The following WWOX variants were observed in gnomAD, a reference collection of about 807,000 sequenced individuals.
WWOX encodes WW domain-containing oxidoreductase.
A neutral mutation model predicts 46.2 loss-of-function variants in WWOX; 69 were observed. The observed-to-expected ratio is 1.49, with a 90% CI of 1.23 to 1.82. The LOEUF (loss-of-function observed/expected upper bound fraction) is 1.82. Among genes scored for constraint, WWOX ranks in the 40% most tolerant of loss-of-function variants. WWOX has a pLI of 0.00. For missense variants in WWOX, 919 were observed against 542.6 expected (o/e 1.69, Z -6.89); for synonymous variants, 359 against 202.6 (o/e 1.77, Z -6.56).
At position 79,098,109 on chromosome 16, in the gene WWOX, C is replaced by T. The variant is rs143693846; in HGVS notation, c.1057-113499C>T. Among the ~76,000 whole-genome samples the T allele has an allele frequency of 7.9e-5, 12 of 152,234 alleles. No homozygotes were observed. In the South Asian group the frequency reaches 1.2e-3, roughly 16 times the overall value. ...TTTTTGAGCTGGAAGAAACTTGAGA[C>T]GCTCTTTAGTCCAGCAAATTTCAAA... On this transcript the variant is annotated intron_variant, in intron 8 of 8. Transcript: ENST00000566780.
At chr16:78,572,905 T>C (rs2044754152) in intron 8 of WWOX, among the ~76,000 whole-genome samples, 1 of 152,172 alleles carries the variant, frequency 6.6e-6, no homozygotes, top group South Asian at 2.1e-4. Context: ...TATATGTTAT[T>C]AAAGTGTACA....
chr16:78,910,440 G>A (rs1348599705), intron 8 of WWOX, among the ~76,000 whole-genome samples: 2 of 151,944 alleles, frequency 1.3e-5, no homozygotes, highest in East Asian at 3.9e-4. Flanking sequence ...CACTGCAGGA[G>A]AACCTTGTTC....
intron 8 of WWOX, among the ~76,000 whole-genome samples, chr16:78,604,050 G>A (rs1036661646): frequency 7.9e-5 from 12 of 152,040 alleles, no homozygotes; most frequent in Admixed American, 2.0e-4. Context: ...AGGCTGAGGC[G>A]GTAGGATCGC....
intron 8 of WWOX, among the ~76,000 whole-genome samples, chr16:78,675,758 G>A (rs530137683): frequency 6.6e-6 from 1 of 152,274 alleles, no homozygotes; most frequent in South Asian, 2.1e-4. Flanking sequence ...AGGATTGCTT[G>A]AGGCCAGGAG....
chr16:79,024,360 G>C (rs11642282), intron 8 of WWOX, among the ~76,000 whole-genome samples: 9,198 of 152,208 alleles, frequency 0.06, 382 homozygotes, highest in Non-Finnish European at 0.094. Context: ...CTAAGGTGAA[G>C]AGACCCTCCC....
At chr16:79,143,653 T>C (rs2050132168) in intron 8 of WWOX, among the ~76,000 whole-genome samples, 1 of 152,116 alleles carries the variant, frequency 6.6e-6, no homozygotes, top group Non-Finnish European at 1.5e-5. Flanking sequence ...ATGTATAGAG[T>C]GCCCATTATG....
At chr16:78,802,563 G>C (rs2050918439) in intron 8 of WWOX, among the ~76,000 whole-genome samples, 1 of 152,018 alleles carries the variant, frequency 6.6e-6, no homozygotes, top group African/African-American at 2.4e-5. Context: ...CACTAGTTTT[G>C]TCCTTAACAA....
chr16:78,804,339 A>G (rs1426406718), intron 8 of WWOX, among the ~76,000 whole-genome samples: 1 of 151,618 alleles, frequency 6.6e-6, no homozygotes, highest in East Asian at 1.9e-4. Context: ...AGCTGTTTAG[A>G]CTCTGACTTT....
At chr16:78,370,799 G>A (rs1464570799) in intron 5 of WWOX, among the ~76,000 whole-genome samples, 5 of 136,644 alleles carry the variant, frequency 3.7e-5, no homozygotes, top group Non-Finnish European at 4.7e-5. Context: ...GGGGGGGGGG[G>A]GGCAATGCAT....
intron 5 of WWOX, among the ~76,000 whole-genome samples, chr16:78,227,582 A>G (rs1447400283): frequency 6.6e-6 from 1 of 152,226 alleles, no homozygotes; most frequent in Non-Finnish European, 1.5e-5. Flanking sequence ...TTGTTCAGGT[A>G]GAAACATACA....
At chr16:78,310,238 C>A (rs982230024) in intron 5 of WWOX, among the ~76,000 whole-genome samples, 1 of 152,192 alleles carries the variant, frequency 6.6e-6, no homozygotes, top group African/African-American at 2.4e-5. Context: ...GCTACACACA[C>A]AACCCACTGA....
chr16:79,130,416 A>T (rs1449495425), intron 8 of WWOX, among the ~76,000 whole-genome samples: 1 of 152,254 alleles, frequency 6.6e-6, no homozygotes, highest in Non-Finnish European at 1.5e-5. Flanking sequence ...TATGAAGTAC[A>T]GCACAGATCA....
chr16:78,493,761 C>T (rs1414616185), intron 8 of WWOX, among the ~76,000 whole-genome samples: 5 of 152,086 alleles, frequency 3.3e-5, no homozygotes, highest in African/African-American at 1.2e-4. Context: ...CTGAGGCATA[C>T]AGAAGAGATG....
intron 8 of WWOX, among the ~76,000 whole-genome samples, chr16:79,024,878 T>C (rs1277889597): frequency 6.6e-6 from 1 of 152,170 alleles, no homozygotes; most frequent in Non-Finnish European, 1.5e-5. Context: ...CCGCTGGAAA[T>C]ACATTTCTAA....
intron 6 of WWOX, among the ~76,000 whole-genome samples, chr16:78,399,848 T>C (rs988062494): frequency 1.3e-5 from 2 of 152,214 alleles, no homozygotes; most frequent in Non-Finnish European, 1.5e-5. Context: ...CACATTTTAA[T>C]AACATGGGAA....
rs988628112 is a variant in WWOX, at chr16:78,718,683, G to T, written c.1056+285931G>T. 3.3e-5 allele frequency among the ~76,000 whole-genome samples: 5 copies of T among 152,146 alleles called. No individual in the cohort carries two copies. In the East Asian group the frequency reaches 9.7e-4, roughly 29 times the overall value. ...TGATCACACCACAGCACTCCAGCCT[G>T]GCCAACATAGTGAGACACTACCTAG... On this transcript the variant is annotated intron_variant, in intron 8 of 8. Transcript: ENST00000566780.
chr16:78,395,787 T>C (rs1042034315), intron 6 of WWOX, among the ~76,000 whole-genome samples: 1 of 152,176 alleles, frequency 6.6e-6, no homozygotes, highest in Non-Finnish European at 1.5e-5. Context: ...TTTTTTGCTA[T>C]TCTTTTGTTA....
intron 8 of WWOX, among the ~76,000 whole-genome samples, chr16:78,612,792 A>C (rs2045931441): frequency 6.6e-6 from 1 of 152,004 alleles, no homozygotes; most frequent in Non-Finnish European, 1.5e-5. Context: ...TAATTTTTTC[A>C]CCTACAAAAT....
At chr16:78,367,493 G>T (rs955780245) in intron 5 of WWOX, among the ~76,000 whole-genome samples, 7 of 152,008 alleles carry the variant, frequency 4.6e-5, no homozygotes, top group Admixed American at 4.6e-4. Context: ...TCTTTGTCCA[G>T]TGTCACCCAG....
Sources: gnomAD v4.1 joint callset for allele counts (sites outside exome capture counted in the v4.1 genomes callset) on GRCh38, gnomAD v4.1.1 for gene constraint, MANE v1.5 for transcripts, NCBI Gene and HGNC (gene_info 2026-07-23, HGNC 2026-07-21) for gene names.